Variants in MACROD2 observed in about 807,000 individuals in gnomAD.
MACROD2 encodes mono-ADP ribosylhydrolase 2.
Under a neutral mutation model 70.4 loss-of-function variants are expected in MACROD2, and 36 were observed. That is an observed-to-expected ratio of 0.51 (90% CI 0.39 to 0.68). MACROD2 has a LOEUF of 0.68. Ranked by LOEUF, MACROD2 falls within the 30% of genes least tolerant of loss-of-function variation. The pLI, the probability that MACROD2 is intolerant of heterozygous loss-of-function variation, is 0.00. For missense variants in MACROD2, 496 were observed against 538.4 expected, an observed-to-expected ratio of 0.92 and a Z score of 0.78; for synonymous variants, 172 against 178.8, an observed-to-expected ratio of 0.96 and a Z score of 0.30.
intron 6 of MACROD2, among the ~76,000 whole-genome samples, chr20:15,255,044 G>A (rs2077187651): frequency 6.8e-6 from 1 of 147,884 alleles, no homozygotes. Context: ...GGACAGCCTA[G>A]CATTCCAGAA....
intron 5 of MACROD2, among the ~76,000 whole-genome samples, chr20:15,227,256 G>T (rs1473736945): frequency 6.6e-6 from 1 of 152,054 alleles, no homozygotes; most frequent in Non-Finnish European, 1.5e-5. Flanking sequence ...TTTTATAGAC[G>T]ATGATGACTA....
At chr20:14,887,339 G>A (rs1406549642) in intron 5 of MACROD2, among the ~76,000 whole-genome samples, 2 of 151,674 alleles carry the variant, frequency 1.3e-5, no homozygotes, top group Non-Finnish European at 2.9e-5. Context: ...AAATAGACTT[G>A]AATATATTAG....
At chr20:15,425,515 G>A (rs1019809529) in intron 6 of MACROD2, among the ~76,000 whole-genome samples, 1 of 152,136 alleles carries the variant, frequency 6.6e-6, no homozygotes. Flanking sequence ...CAGGTAGCAT[G>A]GTTTTGCTTG....
At chr20:14,960,296 C>G (rs1321975826) in intron 5 of MACROD2, among the ~76,000 whole-genome samples, 1 of 152,178 alleles carries the variant, frequency 6.6e-6, no homozygotes, top group Non-Finnish European at 1.5e-5. Context: ...AGCTACCACT[C>G]CCTGGATGCT....
chr20:15,824,138 G>A (rs1386325460), intron 8 of MACROD2, among the ~76,000 whole-genome samples: 2 of 152,156 alleles, frequency 1.3e-5, no homozygotes, highest in Admixed American at 6.6e-5. Flanking sequence ...ACAGCTTCCT[G>A]ATCAATTGTA....
intron 8 of MACROD2, among the ~76,000 whole-genome samples, chr20:15,848,301 G>A (rs1007327445): frequency 6.6e-6 from 1 of 151,978 alleles, no homozygotes; most frequent in Non-Finnish European, 1.5e-5. Flanking sequence ...TGGATTCCCA[G>A]CCCCCGTGCA....
chr20:14,585,318 T>A lies in MACROD2; in HGVS notation c.301+91810T>A, dbSNP rs1416124059. ...GTTAGGATTTATGAAAATTATGGAGTGCTAACATCTTCCTGATCACACTGT... is the reference window on the plus strand; with the variant it reads ...GTTAGGATTTATGAAAATTATGGAGAGCTAACATCTTCCTGATCACACTGT... On this transcript the variant is annotated intron_variant, in intron 4 of 17. Transcript: ENST00000684519. Among the ~76,000 whole-genome samples, 4 of 152,052 alleles carry A rather than the reference T, an allele frequency of 2.6e-5. No individual in the cohort carries two copies. In the South Asian group the frequency reaches 6.2e-4, roughly 24 times the overall value.
At chr20:15,225,515 T>C (rs1417328754) in intron 5 of MACROD2, among the ~76,000 whole-genome samples, 1 of 152,244 alleles carries the variant, frequency 6.6e-6, no homozygotes, top group South Asian at 2.1e-4. Context: ...ACCACTCTTA[T>C]TAACTGCTAG....
intron 8 of MACROD2, among the ~76,000 whole-genome samples, chr20:15,679,909 A>G (rs1326398482): frequency 1.3e-5 from 2 of 152,218 alleles, no homozygotes; most frequent in Non-Finnish European, 2.9e-5. Context: ...AAGCCACTGC[A>G]TTTTGGGACA....
chr20:16,026,395 G>A (rs1244818625), intron 15 of MACROD2, among the ~76,000 whole-genome samples: 2 of 152,180 alleles, frequency 1.3e-5, no homozygotes, highest in Non-Finnish European at 2.9e-5. Flanking sequence ...TTGTGAATGA[G>A]TTTACTTGAC....
At chr20:15,299,894 A>G (rs993222460) in intron 6 of MACROD2, among the ~76,000 whole-genome samples, 5 of 152,208 alleles carry the variant, frequency 3.3e-5, no homozygotes, top group Admixed American at 2.6e-4. Context: ...TAGAATGTGC[A>G]AGTGTCAAAG....
chr20:15,175,551 G>T (rs1280079564), intron 5 of MACROD2, among the ~76,000 whole-genome samples: 1 of 152,148 alleles, frequency 6.6e-6, no homozygotes, highest in Non-Finnish European at 1.5e-5. Flanking sequence ...AAAATGTTTA[G>T]TTGCTGAATG....
chr20:14,698,202 A>T (rs761287802), intron 5 of MACROD2, among the ~76,000 whole-genome samples: 13 of 152,136 alleles, frequency 8.5e-5, no homozygotes, highest in Non-Finnish European at 1.6e-4. Flanking sequence ...AAAAGACCTG[A>T]TGGTTTTGGT....
At chr20:14,175,878 C>T (rs968491245) in intron 3 of MACROD2, among the ~76,000 whole-genome samples, 2 of 152,250 alleles carry the variant, frequency 1.3e-5, no homozygotes, top group East Asian at 3.9e-4. Flanking sequence ...AATTATCTTT[C>T]AGGGTTTTGG....
chr20:14,652,024 A>G lies in MACROD2; in HGVS notation c.302-32819A>G, dbSNP rs150864256. ...CTAAACAGTTGTAGTTTGAAAAGCC[A>G]TAATAACTCTGGTTATTTGACAGAT... On this transcript the variant is annotated intron_variant, in intron 4 of 17. Coordinates refer to ENST00000684519, the MANE Select transcript of MACROD2 (RefSeq NM_001351661.2). 3.1e-3 allele frequency among the ~76,000 whole-genome samples: 467 copies of G among 152,316 alleles called. 2 individuals carry two copies. Among genetic ancestry groups the G allele is most frequent in the Non-Finnish European group, 5.2e-3 (355 of 68,032 alleles).
At chr20:14,935,767 T>C (rs2074335405) in intron 5 of MACROD2, among the ~76,000 whole-genome samples, 1 of 152,208 alleles carries the variant, frequency 6.6e-6, no homozygotes, top group Non-Finnish European at 1.5e-5. Flanking sequence ...TCCAGTCTTC[T>C]AGTGCAAAAA....
At chr20:15,636,872 G>A (rs1398026688) in intron 8 of MACROD2, among the ~76,000 whole-genome samples, 1 of 152,072 alleles carries the variant, frequency 6.6e-6, no homozygotes, top group Non-Finnish European at 1.5e-5. Context: ...TGGGAGAGAT[G>A]CAGGCTAAGA....
rs962078450 is a variant in MACROD2 at position 15,457,624 on chromosome 20, G to T, written c.571+26189G>T. ...AATATAACTTGACTCTTTTCATGTC[G>T]TTGGCAGAATTTGTTACCAAATTCC... On this transcript the variant is annotated intron_variant, in intron 7 of 17. Transcript: ENST00000684519. Among the ~76,000 whole-genome samples, 4 of 152,098 alleles carry T rather than the reference G, an allele frequency of 2.6e-5. No homozygotes were observed. In the East Asian group the frequency reaches 7.7e-4, roughly 29 times the overall value.
chr20:14,655,599 T>C (rs572255473), intron 4 of MACROD2, among the ~76,000 whole-genome samples: 54 of 152,168 alleles, frequency 3.5e-4, no homozygotes, highest in Non-Finnish European at 5.6e-4. Flanking sequence ...TTTAGCTTAT[T>C]TTTGCTTTGA....
Sources: gnomAD v4.1 joint callset for allele counts (sites outside exome capture counted in the v4.1 genomes callset) on GRCh38, gnomAD v4.1.1 for gene constraint, MANE v1.5 for transcripts, NCBI Gene and HGNC (gene_info 2026-07-23, HGNC 2026-07-21) for gene names.